Variants in MCF2L observed in about 807,000 individuals in gnomAD.
The protein encoded by MCF2L is MCF.2 cell line derived transforming sequence like.
MCF2L carries 97 observed loss-of-function variants against 153.4 expected under a neutral mutation model. The observed-to-expected ratio is 0.63, with a 90% CI of 0.54 to 0.75. The LOEUF is 0.75. MCF2L is among the 30% of genes least tolerant of loss of function. The probability of loss-of-function intolerance (pLI) is 0.00; values close to 1 mark genes in which losing one functional copy is unlikely to be tolerated. For synonymous variants in MCF2L, 659 were observed against 632.2 expected, an observed-to-expected ratio of 1.04 and a Z score of -0.64; for missense variants, 1,347 against 1,495.2, an observed-to-expected ratio of 0.90 and a Z score of 1.64.
intron 1 of MCF2L, among the ~76,000 whole-genome samples, chr13:113,006,067 C>A (rs1474591297): frequency 6.6e-6 from 1 of 152,182 alleles, no homozygotes; most frequent in Non-Finnish European, 1.5e-5. Flanking sequence ...GGAGGCCGTG[C>A]CCTGCCATGT....
chr13:113,018,369 C>A (rs2084665919), intron 2 of MCF2L, among the ~76,000 whole-genome samples: 1 of 152,236 alleles, frequency 6.6e-6, no homozygotes, highest in Non-Finnish European at 1.5e-5. Context: ...ACCTGCCACC[C>A]TACTGTCCCC....
In MCF2L at chr13:113,096,513, C is replaced by T. The variant is rs762908599; in HGVS notation, c.3188+30C>T. The T allele has an allele frequency of 3.8e-6, 6 of 1,582,292 alleles. No individual in the cohort carries two copies. The African/African-American group carries it at 6.7e-5, about 18-fold the overall frequency. On this transcript the variant is annotated intron_variant, in intron 28 of 29. Coordinates refer to ENST00000535094, the MANE Select transcript of MCF2L (RefSeq NM_001112732.3). The stretch of plus-strand genomic sequence containing the variant: ...GACCCCGCGCTCAGCCCCGGACTGC[C>T]CCGCACGTGGCTGCCGCTGACCCTC...
At chr13:113,091,822 G>A (rs536723272) in intron 26 of MCF2L, among the ~76,000 whole-genome samples, 1 of 152,318 alleles carries the variant, frequency 6.6e-6, no homozygotes, top group Non-Finnish European at 1.5e-5. Flanking sequence ...CAAGTGCAGG[G>A]ACGGGGCTCA....
At chr13:113,079,896 GGCAGGGGAGTGTTC>G in intron 15 of MCF2L, among the ~76,000 whole-genome samples, 1 of 150,226 alleles carries the variant, frequency 6.7e-6, no homozygotes, top group African/African-American at 2.5e-5. Context: ...GGAGGGTCCA[GGCAGGGGAGTGTTC>G]GTATGGAGGA....
chr13:113,010,006 CCCACGGTCA>C (rs1472020799), intron 1 of MCF2L: 2 of 152,174 alleles, frequency 1.3e-5, no homozygotes, highest in Non-Finnish European at 1.5e-5. Flanking sequence ...CTCTCCTCTG[CCCACGGTCA>C]CCAGTGAGCA....
At chr13:112,968,657 G>A (rs142817931), upstream of MCF2L, 55,599 of 1,513,696 alleles carry the variant, frequency 0.037, 1,247 homozygotes, top group Non-Finnish European at 0.04. Context: ...ACACGGAAGG[G>A]GCGCGCTGGG....
At chr13:112,998,437 G>A (rs1194842955) in intron 1 of MCF2L, among the ~76,000 whole-genome samples, 5 of 152,174 alleles carry the variant, frequency 3.3e-5, no homozygotes, top group Admixed American at 6.5e-5. Flanking sequence ...GGAGGGTTCC[G>A]GAGGGTCCTG....
intron 4 of MCF2L, among the ~76,000 whole-genome samples, chr13:113,048,675 C>T (rs2086995061): frequency 6.6e-6 from 1 of 152,160 alleles, no homozygotes; most frequent in Admixed American, 6.5e-5. Flanking sequence ...ATCTCCTGAC[C>T]TCGTGATCCG....
intron 1 of MCF2L, among the ~76,000 whole-genome samples, chr13:112,996,511 C>T (rs1566706754): frequency 6.6e-6 from 1 of 152,202 alleles, no homozygotes. Context: ...CCCAGAACGT[C>T]GCAAATGTTT....
At chr13:112,917,424 G>C (rs1489928718) in intron 2 of MCF2L, 1 of 335,858 alleles carries the variant, frequency 3.0e-6, no homozygotes, top group African/African-American at 2.2e-5. Flanking sequence ...CCAGAATCCA[G>C]CCAGGCTACC....
At chr13:112,992,876 A>G (rs2993290) in intron 1 of MCF2L, among the ~76,000 whole-genome samples, 142,939 of 152,288 alleles carry the variant, frequency 0.94, 67,306 homozygotes, top group Non-Finnish European at 0.98. Context: ...TATTTGAGCT[A>G]GGACAAAAGA....
At chr13:112,935,579 C>T (rs1315376796) in intron 2 of MCF2L, among the ~76,000 whole-genome samples, 4 of 152,130 alleles carry the variant, frequency 2.6e-5, no homozygotes, top group Admixed American at 2.0e-4. Context: ...TTAAGGTAGG[C>T]TTTCTGTGAG....
intron 1 of MCF2L, among the ~76,000 whole-genome samples, chr13:113,007,557 T>C (rs1399675906): frequency 6.6e-6 from 1 of 152,194 alleles, no homozygotes; most frequent in African/African-American, 2.4e-5. Flanking sequence ...TTGTTGGCGA[T>C]TCTAGAGTGG....
At chr13:113,076,903 TG>T in intron 12 of MCF2L, 148 bp from the exon 13 acceptor site, 2 of 907,990 alleles carry the variant, frequency 2.2e-6, no homozygotes, top group Non-Finnish European at 3.3e-6. Context: ...TGGCCAGGGC[TG>T]GACACAGCTG....
chr13:112,894,924 C>T (rs377177762), intron 1 of MCF2L, among the ~76,000 whole-genome samples: 123 of 101,340 alleles, frequency 1.2e-3, no homozygotes, highest in African/African-American at 3.9e-3. Flanking sequence ...GGGGTCGGGC[C>T]CACACCTGGT....
intron 1 of MCF2L, among the ~76,000 whole-genome samples, chr13:112,975,337 TG>T (rs2082177895): frequency 6.6e-6 from 1 of 152,244 alleles, no homozygotes; most frequent in Non-Finnish European, 1.5e-5. Context: ...TATGAAGGGT[TG>T]CATTGACTAT....
In MCF2L at chr13:113,031,548, G is replaced by A. The variant is rs981921915; in HGVS notation, c.278+6790G>A. On this transcript the variant is annotated intron_variant, in intron 3 of 29. Transcript: ENST00000535094. The surrounding 1 kb of genome is among the most constrained non-coding windows in gnomAD (Gnocchi z 5.5). ...TTTTCTGTGAAGTGGGTGCCAAAGA[G>A]TTCATGAGCTGCCAGAATGCAGGGT... 5.9e-5 allele frequency among the ~76,000 whole-genome samples: 9 copies of A among 151,960 alleles called. No homozygotes were observed. Among genetic ancestry groups the A allele is most frequent in the African/African-American group, 1.9e-4 (8 of 41,316 alleles).
intron 1 of MCF2L, chr13:113,008,949 C>T (rs1369093592): frequency 7.0e-6 from 1 of 142,856 alleles, no homozygotes; most frequent in Non-Finnish European, 1.5e-5. Context: ...GGGAGCGCAG[C>T]TCTGGAGACG....
chr13:112,917,530 T>G, intron 2 of MCF2L: 1 of 255,874 alleles, frequency 3.9e-6, no homozygotes. Context: ...CGAAGGTGAG[T>G]GCGGGCCCTT....
Sources: gnomAD v4.1 joint callset for allele counts (sites outside exome capture counted in the v4.1 genomes callset) on GRCh38, gnomAD v4.1.1 for gene constraint, Gnocchi (gnomAD v3.1) non-coding constraint, MANE v1.5 for transcripts, NCBI Gene and HGNC (gene_info 2026-07-23, HGNC 2026-07-21) for gene names.